The following PPP2R2A variants were observed in gnomAD, a reference collection of about 807,000 sequenced individuals.
PPP2R2A encodes the protein serine/threonine-protein phosphatase 2A 55 kDa regulatory subunit B alpha isoform.
A neutral mutation model predicts 53.2 loss-of-function variants in PPP2R2A; 9 were observed. The observed-to-expected ratio is 0.17, with a 90% CI of 0.10 to 0.30. The LOEUF (loss-of-function observed/expected upper bound fraction) is 0.30. Among genes scored for constraint, PPP2R2A ranks in the 10% least tolerant of loss-of-function variants. The pLI, the probability that PPP2R2A is intolerant of heterozygous loss-of-function variation, is 1.00. For missense variants in PPP2R2A, 235 were observed against 534.6 expected, an observed-to-expected ratio of 0.44 and a Z score of 5.53; for synonymous variants, 169 against 174.2, an observed-to-expected ratio of 0.97 and a Z score of 0.23.
Position 26,291,846 on chromosome 8 carries a change from CG to C in PPP2R2A, c.7+21del. The C allele has an allele frequency of 6.2e-7, 1 of 1,608,418 alleles. No homozygotes were observed. The highest frequency in any genetic ancestry group is 1.1e-5 in the South Asian group (1 of 90,220). ...TGGCAGGTAAAGGAGAAATCCCCCT[CG>C]CCCCCTGACAAGGCACCGCTTCCTT... On this transcript the variant is annotated intron_variant, in intron 1 of 9. Transcript: ENST00000380737.
At chr8:26,299,224 T>C (rs1433619670) in intron 2 of PPP2R2A, among the ~76,000 whole-genome samples, 1 of 151,814 alleles carries the variant, frequency 6.6e-6, no homozygotes, top group Non-Finnish European at 1.5e-5. Flanking sequence ...ATTGTGCCAC[T>C]GGTCTCCAGC....
intron 2 of PPP2R2A, among the ~76,000 whole-genome samples, chr8:26,324,673 C>T (rs1433536697): frequency 6.7e-6 from 1 of 148,316 alleles, no homozygotes; most frequent in Non-Finnish European, 1.5e-5. Context: ...CTACCATCCT[C>T]CAGACTACAG....
intron 2 of PPP2R2A, among the ~76,000 whole-genome samples, chr8:26,325,090 G>T (rs1210067825): frequency 6.6e-6 from 1 of 151,006 alleles, no homozygotes; most frequent in Non-Finnish European, 1.5e-5. Flanking sequence ...GGGACTGTTG[G>T]GAAGGCATGA....
intron 2 of PPP2R2A, among the ~76,000 whole-genome samples, chr8:26,327,148 T>A (rs1337475856): frequency 6.6e-6 from 1 of 152,016 alleles, no homozygotes; most frequent in Non-Finnish European, 1.5e-5. Flanking sequence ...CTGACTAGAG[T>A]GCCTGGGCAG....
intron 4 of PPP2R2A, among the ~76,000 whole-genome samples, 189 bp from the exon 5 acceptor site, chr8:26,359,980 C>T (rs934082756): frequency 6.6e-6 from 1 of 151,316 alleles, no homozygotes; most frequent in Non-Finnish European, 1.5e-5. Flanking sequence ...TGCCACCAAT[C>T]TTTGCACTTT....
At position 26,327,902 on chromosome 8, in the gene PPP2R2A, G is replaced by C. The variant is rs1020186366; in HGVS notation, c.83-10988G>C. 2.0e-5 allele frequency among the ~76,000 whole-genome samples: 3 copies of C among 152,326 alleles called. No homozygotes were observed. In the South Asian group the frequency reaches 6.2e-4, roughly 32 times the overall value. On this transcript the variant is annotated intron_variant, in intron 2 of 9. Coordinates refer to ENST00000380737, the MANE Select transcript of PPP2R2A (RefSeq NM_002717.4). ...ATATTCTAACCATTGGAACAAACCA[G>C]ATCAAGATGAGAACCTGATTTCTGT...
At position 26,296,988 on chromosome 8, in the gene PPP2R2A, A is replaced by C. The variant is rs550014139; in HGVS notation, c.82+3248A>C. 2.6e-5 allele frequency among the ~76,000 whole-genome samples: 4 copies of C among 152,314 alleles called. 1 individual carries two copies. The East Asian group carries it at 7.7e-4, about 29-fold the overall frequency. ...AAACTAGTGTATGTCACTGGGGATA[A>C]GTACTCTCCTGGGTTCCTGTGTGTT... On this transcript the variant is annotated intron_variant, in intron 2 of 9. Coordinates refer to ENST00000380737, the MANE Select transcript of PPP2R2A (RefSeq NM_002717.4).
intron 2 of PPP2R2A, among the ~76,000 whole-genome samples, chr8:26,299,071 T>C (rs3947693): frequency 0.23 from 35,251 of 152,134 alleles, 5,065 homozygotes; most frequent in Non-Finnish European, 0.32. Flanking sequence ...TCCAGGAGTC[T>C]GAGACCAGCC....
chr8:26,306,855 A>G (rs1204716927), intron 2 of PPP2R2A, among the ~76,000 whole-genome samples: 1 of 152,204 alleles, frequency 6.6e-6, no homozygotes, highest in East Asian at 1.9e-4. Flanking sequence ...ATAGAATGGT[A>G]AATCAAGAGG....
chr8:26,292,045 G>T (rs1258686625), intron 1 of PPP2R2A: 10 of 1,222,396 alleles, frequency 8.2e-6, no homozygotes, highest in Non-Finnish European at 9.3e-6. Context: ...GGCTGGCGCC[G>T]TGGCGGGGGT....
intron 4 of PPP2R2A, among the ~76,000 whole-genome samples, chr8:26,355,313 A>G (rs781488773): frequency 2.0e-5 from 3 of 152,156 alleles, no homozygotes; most frequent in Non-Finnish European, 2.9e-5. Context: ...GCTGAAGTGC[A>G]TTGGTGTAAT....
intron 2 of PPP2R2A, among the ~76,000 whole-genome samples, chr8:26,312,783 C>T (rs1802349785): frequency 6.6e-6 from 1 of 152,080 alleles, no homozygotes; most frequent in Non-Finnish European, 1.5e-5. Flanking sequence ...TTTCTGTTTG[C>T]TTCCTTACCC....
intron 2 of PPP2R2A, among the ~76,000 whole-genome samples, chr8:26,313,158 C>G (rs1179334701): frequency 1.3e-5 from 2 of 151,842 alleles, no homozygotes; most frequent in African/African-American, 4.8e-5. Flanking sequence ...CTCAGCCTCC[C>G]AAGTAGCTAG....
chr8:26,298,267 T>C (rs1801629796), intron 2 of PPP2R2A, among the ~76,000 whole-genome samples: 1 of 152,212 alleles, frequency 6.6e-6, no homozygotes, highest in Admixed American at 6.5e-5. Context: ...GGGTTTAGGA[T>C]GAAAAATGGC....
At chr8:26,342,962 C>T (rs1804017411) in intron 3 of PPP2R2A, among the ~76,000 whole-genome samples, 1 of 152,048 alleles carries the variant, frequency 6.6e-6, no homozygotes, top group African/African-American at 2.4e-5. Context: ...GAGGCTGAGG[C>T]AGGTGGATCA....
At chr8:26,348,384 G>GAT (rs1391908676) in intron 3 of PPP2R2A, among the ~76,000 whole-genome samples, 4 of 152,138 alleles carry the variant, frequency 2.6e-5, no homozygotes, top group Non-Finnish European at 5.9e-5. Context: ...ATGCTGATGT[G>GAT]ATACCACAAG....
chr8:26,350,284 C>T (rs548852752), intron 3 of PPP2R2A, among the ~76,000 whole-genome samples: 9 of 152,152 alleles, frequency 5.9e-5, no homozygotes, highest in Admixed American at 1.3e-4. Flanking sequence ...AGGCTGGTCT[C>T]GAACTCGACC....
chr8:26,359,353 TTAATAG>T (rs1804958565), intron 4 of PPP2R2A, among the ~76,000 whole-genome samples: 7 of 152,298 alleles, frequency 4.6e-5, no homozygotes, highest in African/African-American at 1.7e-4. Context: ...CAGTCTGTAG[TTAATAG>T]TAATATACAA....
chr8:26,368,371 G>A (rs182530505), intron 9 of PPP2R2A, among the ~76,000 whole-genome samples: 1 of 152,232 alleles, frequency 6.6e-6, no homozygotes, highest in African/African-American at 2.4e-5. Flanking sequence ...TGAACCATTG[G>A]TAAGCAGCGG....
Sources: gnomAD v4.1 joint callset for allele counts (sites outside exome capture counted in the v4.1 genomes callset) on GRCh38, gnomAD v4.1.1 for gene constraint, MANE v1.5 for transcripts, NCBI Gene and HGNC (gene_info 2026-07-23, HGNC 2026-07-21) for gene names.